ATP2C1: variants seen among roughly 807,000 people sequenced by gnomAD.
ATP2C1 encodes ATPase secretory pathway Ca2+ transporting 1.
Under a neutral mutation model 120.5 loss-of-function variants are expected in ATP2C1, and 31 were observed. The observed-to-expected ratio is 0.26, with a 90% CI of 0.19 to 0.35. The LOEUF (loss-of-function observed/expected upper bound fraction) is 0.35, where lower values mean the gene tolerates loss of function less well. Ranked by LOEUF, ATP2C1 falls within the 10% of genes least tolerant of loss-of-function variation. The pLI is 1.00. For missense variants in ATP2C1, 731 were observed against 1,107.5 expected, an observed-to-expected ratio of 0.66 and a Z score of 4.83; for synonymous variants, 351 against 358.7, an observed-to-expected ratio of 0.98 and a Z score of 0.24.
chr3:130,990,549 T>C (rs1454280601), intron 20 of ATP2C1, among the ~76,000 whole-genome samples: 1 of 152,060 alleles, frequency 6.6e-6, no homozygotes, highest in African/African-American at 2.4e-5. Flanking sequence ...AGGGACCCGG[T>C]AGATAATAAA....
At chr3:130,982,068 T>A (rs1475510898) in intron 20 of ATP2C1, among the ~76,000 whole-genome samples, 1 of 152,188 alleles carries the variant, frequency 6.6e-6, no homozygotes, top group East Asian at 1.9e-4. Context: ...GGACTATGCT[T>A]TTGATATCTC....
intron 4 of ATP2C1, among the ~76,000 whole-genome samples, chr3:130,933,305 G>A (rs917434279): frequency 2.6e-5 from 4 of 152,154 alleles, no homozygotes; most frequent in Non-Finnish European, 5.9e-5. Context: ...ATCAAGTGGT[G>A]TGCTTAGTAA....
chr3:130,939,228 A>G (rs964859986), intron 6 of ATP2C1, among the ~76,000 whole-genome samples: 10 of 152,336 alleles, frequency 6.6e-5, no homozygotes, highest in African/African-American at 2.4e-4. Flanking sequence ...TCAAAAATGT[A>G]TAAAAAATTC....
At chr3:130,959,367 A>G in intron 12 of ATP2C1, 26 bp downstream of exon 12, 3 of 1,518,712 alleles carry the variant, frequency 2.0e-6, no homozygotes, top group Non-Finnish European at 2.7e-6. Context: ...TTATAATTGG[A>G]GTCTCTTTTG....
chr3:130,932,323 A>G (rs1297782885), intron 4 of ATP2C1, among the ~76,000 whole-genome samples, 185 bp downstream of exon 4: 1 of 152,122 alleles, frequency 6.6e-6, no homozygotes, highest in Non-Finnish European at 1.5e-5. Context: ...TTTAGTATGT[A>G]AATCTTAAAG....
At chr3:130,907,874 T>C (rs577863818) in intron 2 of ATP2C1, among the ~76,000 whole-genome samples, 1 of 152,146 alleles carries the variant, frequency 6.6e-6, no homozygotes, top group South Asian at 2.1e-4. Context: ...ACTTTGAGAA[T>C]ATAATATTCT....
Position 130,999,598 on chromosome 3 carries a change from A to G in ATP2C1, c.2568A>G (p.Leu856=). ...YAVLGSIMGQ[L]LVIYFPPLQK... Reference sequence around the variant, plus strand: ...TTCTTGGATCCATCATGGGACAATTACTAGTTATTTACTTTCCTCCGCTTC... The same window carrying G: ...TTCTTGGATCCATCATGGGACAATTGCTAGTTATTTACTTTCCTCCGCTTC... Residue 856 remains leucine, a synonymous_variant, in exon 27 of 28, where the codon TTA becomes TTG. Transcript: ENST00000510168. 2 of 1,613,562 alleles carry G rather than the reference A, an allele frequency of 1.2e-6. No homozygotes were observed. Among genetic ancestry groups the G allele is most frequent in the Non-Finnish European group, 8.5e-7 (1 of 1,179,612 alleles).
chr3:130,994,873 A>T (rs1326568945), intron 22 of ATP2C1, among the ~76,000 whole-genome samples: 1 of 152,202 alleles, frequency 6.6e-6, no homozygotes, highest in East Asian at 1.9e-4. Context: ...TGGGGAGTTG[A>T]TTAAAAAGCA....
chr3:130,979,137 C>T (rs2061647591), intron 18 of ATP2C1, 112 bp from the exon 19 acceptor site: 1 of 1,005,102 alleles, frequency 9.9e-7, no homozygotes, highest in Non-Finnish European at 1.5e-6. Context: ...ACATTATAGT[C>T]TTAAGTGATT....
intron 20 of ATP2C1, among the ~76,000 whole-genome samples, chr3:130,990,247 A>C (rs1028022350): frequency 4.0e-5 from 6 of 148,774 alleles, no homozygotes; most frequent in African/African-American, 1.5e-4. Flanking sequence ...AAATGAATAT[A>C]ATGTTAAATA....
rs568171743 is a variant in ATP2C1, at chr3:130,934,619, C to T, written c.235-3C>T. 6 of 1,603,114 alleles carry T rather than the reference C, an allele frequency of 3.7e-6. No individual in the cohort carries two copies. The South Asian group carries it at 6.6e-5, about 18-fold the overall frequency. On this transcript the variant is annotated splice_polypyrimidine_tract_variant and splice_region_variant and intron_variant, in intron 4 of 27. Coordinates refer to ENST00000510168, the MANE Select transcript of ATP2C1 (RefSeq NM_001378687.1). ...TTGAATTGCTGTTTGTTTTTACTTT[C>T]AGTTTAAAAATCCCCTTATTATGCT... is the stretch of plus-strand genomic sequence containing the variant.
rs554522998 is a variant in ATP2C1, at chr3:130,894,809, A to T, written c.6+34A>T. 17 of 1,590,604 alleles carry T rather than the reference A, an allele frequency of 1.1e-5. No individual in the cohort carries two copies. The highest frequency in any genetic ancestry group is 1.7e-4 in the Middle Eastern group (1 of 6,024). The stretch of plus-strand genomic sequence containing the variant: ...CCCTGGCCGACCGGTTGCAACGCGG[A>T]GTTGAGGGTGTGGTGGTTTGCTTTT... On this transcript the variant is annotated intron_variant, in intron 2 of 27. Transcript: ENST00000510168. This position sits in a 1 kb window ranked among gnomAD's most constrained non-coding sequence, Gnocchi z 4.5.
At chr3:130,910,244 T>G (rs2058335130) in intron 2 of ATP2C1, among the ~76,000 whole-genome samples, 1 of 151,598 alleles carries the variant, frequency 6.6e-6, no homozygotes, top group African/African-American at 2.4e-5. Flanking sequence ...TTTGGCTCTC[T>G]GTTTGTCTGT....
intron 2 of ATP2C1, among the ~76,000 whole-genome samples, chr3:130,929,182 A>G (rs985799377): frequency 1.3e-5 from 2 of 152,202 alleles, no homozygotes; most frequent in Admixed American, 6.5e-5. Context: ...CTCCTCATTA[A>G]AAGTTGAAAA....
chr3:130,867,906 C>G (rs573046643), intron 1 of ATP2C1: 1,276 of 220,788 alleles, frequency 5.8e-3, no homozygotes, highest in Non-Finnish European at 8.4e-3. Flanking sequence ...GCCCGGCCGC[C>G]CATCGTCTGA....
rs373002748 is a variant in ATP2C1 at position 130,978,466 on chromosome 3, C to T, written c.1571-783C>T. On this transcript the variant is annotated intron_variant, in intron 18 of 27. Transcript: ENST00000510168. ...TCCCTTTGGTTAATAAAAGTAGTTT[C>T]CGGAGTTCCATAATTCTGAGAGCAA... Among the ~76,000 whole-genome samples, 110 of 152,100 alleles carry T rather than the reference C, an allele frequency of 7.2e-4. 2 individuals are homozygous for T. Among genetic ancestry groups the T allele is most frequent in the Middle Eastern group, 6.8e-3 (2 of 294 alleles).
intron 1 of ATP2C1, among the ~76,000 whole-genome samples, chr3:130,867,120 C>T (rs2068204364): frequency 6.6e-6 from 1 of 152,160 alleles, no homozygotes; most frequent in Non-Finnish European, 1.5e-5. Flanking sequence ...AATGTGTGTG[C>T]TGACTTCTCC....
chr3:130,968,447 A>G (rs1404994496), intron 16 of ATP2C1, among the ~76,000 whole-genome samples: 1 of 152,196 alleles, frequency 6.6e-6, no homozygotes, highest in Non-Finnish European at 1.5e-5. Context: ...GATAAGAACA[A>G]TGCAAATTCA....
intron 26 of ATP2C1, 52 bp downstream of exon 26, chr3:130,998,441 G>A (rs2062732386): frequency 1.5e-6 from 2 of 1,349,952 alleles, no homozygotes; most frequent in Admixed American, 1.7e-5. Context: ...CTTGAGTAGA[G>A]TGCTTTCTAA....
Sources: gnomAD v4.1 joint callset for allele counts (sites outside exome capture counted in the v4.1 genomes callset) on GRCh38, gnomAD v4.1.1 for gene constraint, Gnocchi (gnomAD v3.1) non-coding constraint, MANE v1.5 for transcripts, NCBI Gene and HGNC (gene_info 2026-07-23, HGNC 2026-07-21) for gene names.